FAM168A: variants seen among roughly 807,000 people sequenced by gnomAD.
FAM168A encodes protein FAM168A.
Under a neutral mutation model 28.5 loss-of-function variants are expected in FAM168A, and 3 were observed. The observed-to-expected ratio is 0.11, with a 90% confidence interval of 0.05 to 0.27. The LOEUF (loss-of-function observed/expected upper bound fraction) is 0.27, where lower values mean the gene tolerates loss of function less well. Among genes scored for constraint, FAM168A ranks in the 10% least tolerant of loss-of-function variants. The pLI is 1.00. For synonymous variants in FAM168A, 122 were observed against 124.2 expected, an observed-to-expected ratio of 0.98 and a Z score of 0.12; for missense variants, 222 against 311.5, an observed-to-expected ratio of 0.71 and a Z score of 2.16.
At position 73,519,721 on chromosome 11, in the gene FAM168A, G is replaced by A. The variant is rs536158063; in HGVS notation, c.-18-51229C>T. Reference sequence around the variant, plus strand: ...GCTCTCAGAGGAGCTGAGAGATGATGAGGATAGCTGGAACACAGAGAACAA... The same window carrying A: ...GCTCTCAGAGGAGCTGAGAGATGATAAGGATAGCTGGAACACAGAGAACAA... On this transcript the variant is annotated intron_variant, in intron 1 of 7. Transcript: ENST00000356467. Among the ~76,000 whole-genome samples, 5 of 152,218 alleles carry A rather than the reference G, an allele frequency of 3.3e-5. No homozygotes were observed. The East Asian group carries it at 7.7e-4, about 24-fold the overall frequency.
intron 1 of FAM168A, among the ~76,000 whole-genome samples, chr11:73,552,239 A>T (rs1943838377): frequency 6.6e-6 from 1 of 151,962 alleles, no homozygotes; most frequent in South Asian, 2.1e-4. Context: ...TCTTCCTTAG[A>T]CTCTATTTCC....
At chr11:73,452,820 T>TA (rs1565251574) in intron 2 of FAM168A, among the ~76,000 whole-genome samples, 5 of 147,370 alleles carry the variant, frequency 3.4e-5, no homozygotes, top group African/African-American at 1.3e-4. Context: ...AAAATAATAA[T>TA]AATAAGTAAA....
At chr11:73,499,698 A>G (rs1327997985) in intron 1 of FAM168A, among the ~76,000 whole-genome samples, 3 of 152,144 alleles carry the variant, frequency 2.0e-5, no homozygotes, top group African/African-American at 7.2e-5. Flanking sequence ...GATGGAGCTG[A>G]AAAACACAGC....
In FAM168A at chr11:73,515,124, G is replaced by A. The variant is rs532936135; in HGVS notation, c.-18-46632C>T. Among the ~76,000 whole-genome samples the A allele has an allele frequency of 7.9e-5, 12 of 152,200 alleles. No individual in the cohort carries two copies. In the South Asian group the frequency reaches 2.5e-3, roughly 32 times the overall value. ...GTTCTGCCCCAAAATAGCTCCCTCTGGCCCATTTATAGTGCCTAAGATTCC... is the reference window on the plus strand; with the variant it reads ...GTTCTGCCCCAAAATAGCTCCCTCTAGCCCATTTATAGTGCCTAAGATTCC... On this transcript the variant is annotated intron_variant, in intron 1 of 7. Transcript: ENST00000356467.
intron 1 of FAM168A, among the ~76,000 whole-genome samples, chr11:73,568,294 A>G (rs1944045504): frequency 6.6e-6 from 1 of 152,204 alleles, no homozygotes; most frequent in South Asian, 2.1e-4. Flanking sequence ...AATTCTTAAA[A>G]GATCCTGTAA....
intron 1 of FAM168A, among the ~76,000 whole-genome samples, chr11:73,505,745 GGT>G (rs1855105019): frequency 6.6e-6 from 1 of 152,042 alleles, no homozygotes; most frequent in Non-Finnish European, 1.5e-5. Flanking sequence ...TGAAGTACTT[GGT>G]GTACTTCACC....
In FAM168A at chr11:73,496,873, T is replaced by TCACACACACA. The variant is rs71065011; in HGVS notation, c.-18-28391_-18-28382dup. On this transcript the variant is annotated intron_variant, in intron 1 of 7. Transcript: ENST00000356467. ...CTGCACCCAGCCCTGTATGTTCTTA[T>TCACACACACA]CACACACACACACACACACACACAC... Among the ~76,000 whole-genome samples the TCACACACACA allele has an allele frequency of 5.8e-3, 815 of 140,194 alleles. 10 individuals carry two copies. The highest frequency in any genetic ancestry group is 0.021 in the African/African-American group (771 of 36,850). The allele number at this position is 140,194 out of a possible 152,430, so 92.0% of individuals were successfully genotyped here.
At chr11:73,470,288 A>C (rs539150953) in intron 1 of FAM168A, among the ~76,000 whole-genome samples, 24 of 152,326 alleles carry the variant, frequency 1.6e-4, no homozygotes, top group African/African-American at 5.5e-4. Context: ...AATGTTGCTC[A>C]TGTGACAACA....
chr11:73,439,475 GT>G (rs1259752690), intron 2 of FAM168A, among the ~76,000 whole-genome samples: 7 of 152,162 alleles, frequency 4.6e-5, no homozygotes, highest in Non-Finnish European at 1.0e-4. Flanking sequence ...TATGTTATTA[GT>G]GTACAAACAG....
intron 1 of FAM168A, among the ~76,000 whole-genome samples, chr11:73,477,366 AAAGTC>A (rs1867902382): frequency 1.3e-5 from 2 of 152,128 alleles, no homozygotes; most frequent in African/African-American, 4.8e-5. Flanking sequence ...ACCTAAAATA[AAAGTC>A]AAGGGGGAAG....
intron 1 of FAM168A, among the ~76,000 whole-genome samples, chr11:73,484,526 A>C (rs1226472198): frequency 6.9e-6 from 1 of 144,424 alleles, no homozygotes; most frequent in Admixed American, 6.9e-5. Flanking sequence ...AGATATATAT[A>C]TCTATATATC....
chr11:73,479,225 T>C (rs1867933731), intron 1 of FAM168A, among the ~76,000 whole-genome samples: 1 of 152,212 alleles, frequency 6.6e-6, no homozygotes, highest in East Asian at 1.9e-4. Flanking sequence ...ACAACCTTGA[T>C]TTCATGGAAC....
Position 73,401,278 on chromosome 11 carries a change from A to G in FAM168A, c.*5485T>C, listed in dbSNP as rs866490256. The G allele has an allele frequency of 1.3e-5, 2 of 152,324 alleles. No homozygotes were observed. Among genetic ancestry groups the G allele is most frequent in the Middle Eastern group, 3.4e-3 (1 of 294 alleles). The allele number at this position is 152,324 out of a possible 1,614,324, so 9.4% of individuals were successfully genotyped here. A position where few individuals can be genotyped will look rare whatever the true frequency, so the allele number is the denominator to read the frequency against. The stretch of plus-strand genomic sequence containing the variant: ...GTTTCTCTGTCATGTGATATGAAAC[A>G]GGGAAGCAGATGCCTTTAAGTCAGG... On this transcript the variant is annotated 3_prime_UTR_variant, in exon 8 of 8. Transcript: ENST00000356467.
At chr11:73,552,212 T>C (rs1235889333) in intron 1 of FAM168A, among the ~76,000 whole-genome samples, 5 of 152,190 alleles carry the variant, frequency 3.3e-5, no homozygotes, top group Non-Finnish European at 7.3e-5. Flanking sequence ...AACTGTGAAC[T>C]TGGGCACATT....
At chr11:73,450,568 A>G (rs1319737389) in intron 2 of FAM168A, among the ~76,000 whole-genome samples, 1 of 152,194 alleles carries the variant, frequency 6.6e-6, no homozygotes, top group African/African-American at 2.4e-5. Context: ...AGATGCTGGA[A>G]AAGTTTCTCC....
At chr11:73,583,284 C>G (rs1944271562) in intron 1 of FAM168A, among the ~76,000 whole-genome samples, 1 of 152,044 alleles carries the variant, frequency 6.6e-6, no homozygotes, top group South Asian at 2.1e-4. Flanking sequence ...GCCTGGGTGA[C>G]AGAGCAAGAC....
chr11:73,597,348 C>T (rs1392100654), intron 1 of FAM168A, among the ~76,000 whole-genome samples: 1 of 152,128 alleles, frequency 6.6e-6, no homozygotes, highest in African/African-American at 2.4e-5. Flanking sequence ...TGGGTCTCAA[C>T]CCATGCCAAG....
rs554488718 is a variant in FAM168A, at chr11:73,442,264, T to C, written c.71-11494A>G. Among the ~76,000 whole-genome samples the C allele has an allele frequency of 3.9e-5, 6 of 152,058 alleles. No homozygotes were observed. In the South Asian group the frequency reaches 8.3e-4, roughly 21 times the overall value. On this transcript the variant is annotated intron_variant, in intron 2 of 7. Coordinates refer to ENST00000356467, the MANE Select transcript of FAM168A (RefSeq NM_015159.3). Reference sequence around the variant, plus strand: ...CCTCAGCCTCCCGAGTAGCTGAGACTACAGGCGCCCGCCACCACGCACGGC... The same window carrying C: ...CCTCAGCCTCCCGAGTAGCTGAGACCACAGGCGCCCGCCACCACGCACGGC...
At chr11:73,554,578 T>G (rs1367917234) in intron 1 of FAM168A, among the ~76,000 whole-genome samples, 1 of 152,110 alleles carries the variant, frequency 6.6e-6, no homozygotes, top group Non-Finnish European at 1.5e-5. Context: ...ACAGGCATTT[T>G]TCCAAAAAAC....
Sources: gnomAD v4.1 joint callset for allele counts (sites outside exome capture counted in the v4.1 genomes callset) on GRCh38, gnomAD v4.1.1 for gene constraint, MANE v1.5 for transcripts, NCBI Gene and HGNC (gene_info 2026-07-23, HGNC 2026-07-21) for gene names.